CNTNAP3B: variants seen among roughly 807,000 people sequenced by gnomAD.
The protein encoded by CNTNAP3B is contactin associated protein family member 3B.
CNTNAP3B carries 25 observed loss-of-function variants against 108.9 expected under a neutral mutation model. The ratio of observed to expected loss-of-function variants is 0.23; its 90% CI spans 0.17 to 0.32. The LOEUF (loss-of-function observed/expected upper bound fraction) is 0.32, where lower values mean the gene tolerates loss of function less well. Ranked by LOEUF, CNTNAP3B falls within the 10% of genes least tolerant of loss-of-function variation. The probability of loss-of-function intolerance (pLI) is 1.00; values close to 1 mark genes in which losing one functional copy is unlikely to be tolerated. For missense variants in CNTNAP3B, 252 were observed against 1,210.4 expected (o/e 0.21, Z 11.75); for synonymous variants, 103 against 473.4 (o/e 0.22, Z 10.16).
Position 41,953,344 on chromosome 9 carries a change from G to C in CNTNAP3B, c.1919C>G (p.Ala640Gly), listed in dbSNP as rs530440840. ...WTVVRHGGPD[A>G]VTLRGAPSGH... ...GCTGGGGGCACCTCGGAGGGTCACC[G>C]CGTCGGGGCCACCGTGCCGCACCAC... The change falls in exon 13 of 24, where the codon GCG (alanine) becomes GGG (glycine). Residue 640 changes from alanine (A) to glycine (G), a missense_variant. Transcript: ENST00000377561. 376 of 1,552,694 alleles carry C rather than the reference G, an allele frequency of 2.4e-4. 1 individual carries two copies. The South Asian group carries it at 4.3e-3, about 18-fold the overall frequency.
At chr9:42,117,713 C>T (rs1828351110) in intron 1 of CNTNAP3B, among the ~76,000 whole-genome samples, 1 of 135,480 alleles carries the variant, frequency 7.4e-6, no homozygotes, top group African/African-American at 3.0e-5. Context: ...CAAAAAAACC[C>T]TTCAAAAAAT....
chr9:42,091,095 T>G (rs1382219978), intron 2 of CNTNAP3B, among the ~76,000 whole-genome samples: 12 of 40,582 alleles, frequency 3.0e-4, no homozygotes, highest in African/African-American at 7.9e-4. Flanking sequence ...TTAAAATCTA[T>G]TAATTTGCAA....
At chr9:41,958,313 T>TTTG (rs1352220766) in intron 12 of CNTNAP3B, among the ~76,000 whole-genome samples, 3 of 152,394 alleles carry the variant, frequency 2.0e-5, no homozygotes, top group Non-Finnish European at 4.4e-5. Flanking sequence ...TGTTGTTGTT[T>TTTG]TTGTTGTTGT....
At chr9:41,950,738 G>T (rs1037947243) in intron 13 of CNTNAP3B, among the ~76,000 whole-genome samples, 1 of 144,418 alleles carries the variant, frequency 6.9e-6, no homozygotes, top group Non-Finnish European at 1.5e-5. Flanking sequence ...TAGAGCAATA[G>T]GAGGAATTCT....
chr9:41,994,660 C>A lies in CNTNAP3B; in HGVS notation c.1071+1545G>T, dbSNP rs1193132680. ...TTTACCTTCTTGGAAAGTTCATGGGCTTCACAGCTGTTTTTCCCCTTTTCT... is the reference window on the plus strand; with the variant it reads ...TTTACCTTCTTGGAAAGTTCATGGGATTCACAGCTGTTTTTCCCCTTTTCT... On this transcript the variant is annotated intron_variant, in intron 7 of 23. Transcript: ENST00000377561. The A allele has an allele frequency of 2.2e-5, 10 of 461,512 alleles. No individual in the cohort carries two copies. In the African/African-American group the frequency reaches 3.0e-4, roughly 14 times the overall value. The allele number at this position is 461,512 out of a possible 1,614,324, so 28.6% of individuals were successfully genotyped here. A position where few individuals can be genotyped will look rare whatever the true frequency, so the allele number is the denominator to read the frequency against.
intron 13 of CNTNAP3B, among the ~76,000 whole-genome samples, chr9:41,945,580 C>T (rs1824508646): frequency 6.6e-6 from 1 of 152,304 alleles, no homozygotes; most frequent in African/African-American, 2.4e-5. Context: ...AACACTTGGA[C>T]ACAGGAAGGG....
chr9:42,042,003 A>G (rs1281595576), intron 3 of CNTNAP3B, among the ~76,000 whole-genome samples: 2 of 114,698 alleles, frequency 1.7e-5, no homozygotes, highest in African/African-American at 3.5e-5. Flanking sequence ...AGCAAACACC[A>G]CATGTTCTCA....
intron 18 of CNTNAP3B, among the ~76,000 whole-genome samples, chr9:41,919,494 C>T (rs1450796162): frequency 5.9e-5 from 9 of 152,376 alleles, no homozygotes; most frequent in Non-Finnish European, 1.0e-4. Context: ...AGTCAAACAT[C>T]ATAGAGCAAA....
chr9:41,961,231 G>A (rs1279562831), intron 11 of CNTNAP3B, among the ~76,000 whole-genome samples: 1 of 152,302 alleles, frequency 6.6e-6, no homozygotes, highest in Non-Finnish European at 1.5e-5. Context: ...TGCTTACAGT[G>A]GGAATGCGAT....
chr9:42,122,929 G>T (rs1446945395), intron 1 of CNTNAP3B, among the ~76,000 whole-genome samples: 1 of 121,028 alleles, frequency 8.3e-6, no homozygotes, highest in Non-Finnish European at 1.7e-5. Context: ...TAGACTCCAG[G>T]GACCTGTCCA....
intron 3 of CNTNAP3B, among the ~76,000 whole-genome samples, chr9:42,035,582 G>A (rs1369102455): frequency 6.7e-6 from 1 of 148,282 alleles, no homozygotes; most frequent in Non-Finnish European, 1.5e-5. Context: ...ATATATTTCA[G>A]AGTGATGGTG....
At chr9:41,961,483 C>A (rs550221722) in intron 11 of CNTNAP3B, among the ~76,000 whole-genome samples, 1 of 152,306 alleles carries the variant, frequency 6.6e-6, no homozygotes, top group Admixed American at 6.5e-5. Context: ...AAGAAACCCT[C>A]ATTCTCCCTG....
chr9:42,020,273 C>G (rs1460284856), intron 3 of CNTNAP3B, among the ~76,000 whole-genome samples: 1 of 150,952 alleles, frequency 6.6e-6, no homozygotes, highest in Non-Finnish European at 1.5e-5. Context: ...ACTTAGCTCT[C>G]TGTGTATAGT....
chr9:41,938,791 A>G (rs1824237684), intron 13 of CNTNAP3B, among the ~76,000 whole-genome samples: 1 of 152,294 alleles, frequency 6.6e-6, no homozygotes, highest in Non-Finnish European at 1.5e-5. Flanking sequence ...AATATTATAC[A>G]AAGACATTGA....
At chr9:41,954,500 C>A (rs200640489) in intron 12 of CNTNAP3B, among the ~76,000 whole-genome samples, 1 of 148,754 alleles carries the variant, frequency 6.7e-6, no homozygotes, top group Non-Finnish European at 1.5e-5. Flanking sequence ...AGGTGTGATA[C>A]CCACAAATGA....
At chr9:41,931,830 G>A (rs868004569) in intron 14 of CNTNAP3B, among the ~76,000 whole-genome samples, 7 of 143,996 alleles carry the variant, frequency 4.9e-5, no homozygotes, top group Admixed American at 2.1e-4. Flanking sequence ...TAGAGAAAAT[G>A]CAATTTAATT....
At chr9:41,928,629 C>A (rs1285704499) in intron 15 of CNTNAP3B, among the ~76,000 whole-genome samples, 26 of 152,276 alleles carry the variant, frequency 1.7e-4, no homozygotes. Flanking sequence ...GTAGCCCCCA[C>A]ACATTGAGGT....
rs549951456 is a variant in CNTNAP3B at position 42,127,344 on chromosome 9, C to T, written c.85+1666G>A. 7.9e-5 allele frequency among the ~76,000 whole-genome samples: 11 copies of T among 139,070 alleles called. 2 individuals carry two copies. The highest frequency in any genetic ancestry group is 3.1e-4 in the African/African-American group (11 of 35,060). The allele number at this position is 139,070 out of a possible 152,430, so 91.2% of individuals were successfully genotyped here. The stretch of plus-strand genomic sequence containing the variant: ...GCTTTGTAATCCTTCCACTGGATTC[C>T]AAGCAAAATAACTATCAATACAACT... On this transcript the variant is annotated intron_variant, in intron 1 of 23. Transcript: ENST00000377561.
intron 14 of CNTNAP3B, among the ~76,000 whole-genome samples, chr9:41,934,566 G>A (rs1194108086): frequency 1.3e-5 from 2 of 152,264 alleles, no homozygotes; most frequent in Non-Finnish European, 2.9e-5. Flanking sequence ...CACAAGTGTA[G>A]TGAGATCTTT....
Sources: allele counts gnomAD v4.1 joint callset (sites outside exome capture counted in the v4.1 genomes callset), GRCh38; gene constraint gnomAD v4.1.1; transcripts MANE v1.5; gene names NCBI Gene and HGNC (gene_info 2026-07-23, HGNC 2026-07-21).